The following SLIT3 variants were observed in gnomAD, a reference collection of about 807,000 sequenced individuals.
SLIT3 encodes the protein slit guidance ligand 3, also known as slit homolog 3 protein.
A neutral mutation model predicts 184.0 loss-of-function variants in SLIT3; 68 were observed. The ratio of observed to expected loss-of-function variants is 0.37; its 90% CI spans 0.30 to 0.45. The LOEUF (loss-of-function observed/expected upper bound fraction) is 0.45, where lower values mean the gene tolerates loss of function less well. Ranked by LOEUF, SLIT3 falls within the 20% of genes least tolerant of loss-of-function variation. The pLI is 1.00. For missense variants in SLIT3, 1,707 were observed against 2,026.0 expected (o/e 0.84, Z 3.02); for synonymous variants, 831 against 828.6 (o/e 1.00, Z -0.05).
intron 3 of SLIT3, among the ~76,000 whole-genome samples, chr5:169,236,001 G>A (rs150197554): frequency 1.3e-5 from 2 of 152,270 alleles, no homozygotes; most frequent in African/African-American, 4.8e-5. Context: ...TCTCTGTGAA[G>A]TCCACATTTA....
At chr5:168,862,636 A>T (rs190809828) in intron 5 of SLIT3, among the ~76,000 whole-genome samples, 1 of 151,498 alleles carries the variant, frequency 6.6e-6, no homozygotes, top group South Asian at 2.1e-4. Context: ...AATCCTAGAG[A>T]TCACTCAATA....
At chr5:168,917,930 C>T (rs989862980) in intron 4 of SLIT3, among the ~76,000 whole-genome samples, 1 of 152,198 alleles carries the variant, frequency 6.6e-6, no homozygotes, top group Non-Finnish European at 1.5e-5. Context: ...AGTCTCTCTC[C>T]CTTCATCTCA....
chr5:169,288,271 T>C (rs1767225477), intron 1 of SLIT3, among the ~76,000 whole-genome samples: 1 of 152,202 alleles, frequency 6.6e-6, no homozygotes, highest in Admixed American at 6.5e-5. Context: ...ATGCAGAACT[T>C]GTGCTGTTTG....
At chr5:168,726,792 G>T (rs1259098524) in intron 20 of SLIT3, among the ~76,000 whole-genome samples, 1 of 140,732 alleles carries the variant, frequency 7.1e-6, no homozygotes, top group Non-Finnish European at 1.6e-5. Flanking sequence ...GGCCAACATG[G>T]TGAAACCCCC....
At chr5:168,954,412 G>A (rs1762754407) in intron 4 of SLIT3, among the ~76,000 whole-genome samples, 1 of 151,912 alleles carries the variant, frequency 6.6e-6, no homozygotes, top group Admixed American at 6.6e-5. Flanking sequence ...GTTTTAGGTG[G>A]GGCCTGGGGA....
intron 1 of SLIT3, among the ~76,000 whole-genome samples, chr5:169,277,775 A>G (rs1014423153): frequency 6.6e-6 from 1 of 152,248 alleles, no homozygotes; most frequent in Non-Finnish European, 1.5e-5. Context: ...TATATAATTA[A>G]GACTGGAATT....
intron 1 of SLIT3, among the ~76,000 whole-genome samples, chr5:169,264,197 T>G (rs1050242546): frequency 5.9e-5 from 9 of 151,922 alleles, no homozygotes; most frequent in African/African-American, 2.2e-4. Flanking sequence ...TTTTTGGTTT[T>G]GGGGGTTGTT....
intron 25 of SLIT3, among the ~76,000 whole-genome samples, chr5:168,710,351 CAGTAGT>C (rs1479100045): frequency 6.6e-6 from 1 of 152,084 alleles, no homozygotes; most frequent in Admixed American, 6.5e-5. Flanking sequence ...CATACAAACT[CAGTAGT>C]AGTTTGTTGT....
intron 4 of SLIT3, among the ~76,000 whole-genome samples, chr5:169,043,865 C>T (rs949739608): frequency 3.9e-5 from 6 of 152,198 alleles, no homozygotes; most frequent in African/African-American, 1.4e-4. Context: ...GTCATCCGAA[C>T]TGGGAGCTCA....
At chr5:169,257,184 T>C (rs1765987960) in intron 1 of SLIT3, among the ~76,000 whole-genome samples, 1 of 152,212 alleles carries the variant, frequency 6.6e-6, no homozygotes, top group African/African-American at 2.4e-5. Flanking sequence ...ACAAGTACTA[T>C]ATGCTGCCTT....
chr5:168,838,400 A>C (rs1758125603), intron 6 of SLIT3, among the ~76,000 whole-genome samples: 1 of 152,152 alleles, frequency 6.6e-6, no homozygotes, highest in Admixed American at 6.5e-5. Context: ...AAAGATGCTC[A>C]AAAATAGAAG....
At chr5:168,798,323 A>C (rs1756648691) in intron 9 of SLIT3, among the ~76,000 whole-genome samples, 1 of 150,906 alleles carries the variant, frequency 6.6e-6, no homozygotes, top group Admixed American at 6.6e-5. Context: ...GCCTGGGCTC[A>C]AGTGATCCTC....
intron 4 of SLIT3, among the ~76,000 whole-genome samples, chr5:168,933,794 T>C (rs1234662956): frequency 2.0e-5 from 3 of 152,198 alleles, no homozygotes; most frequent in African/African-American, 7.2e-5. Flanking sequence ...GTTTGGATTT[T>C]TATTGAATAA....
At chr5:168,699,412 C>T (rs866046257) in intron 27 of SLIT3, among the ~76,000 whole-genome samples, 42 of 152,316 alleles carry the variant, frequency 2.8e-4, no homozygotes, top group Middle Eastern at 3.4e-3. Context: ...AAGGGGCTGC[C>T]GCCTCCTGAC....
At chr5:168,706,861 A>G (rs1479702619) in intron 26 of SLIT3, 1 of 152,262 alleles carries the variant, frequency 6.6e-6, no homozygotes, top group Non-Finnish European at 1.5e-5. Flanking sequence ...CGCACACACA[A>G]TCCCACTGGG....
intron 4 of SLIT3, among the ~76,000 whole-genome samples, chr5:169,070,181 T>C (rs1758492572): frequency 6.6e-6 from 1 of 152,164 alleles, no homozygotes; most frequent in Non-Finnish European, 1.5e-5. Flanking sequence ...CTCAGGGGAC[T>C]TCAACAGGTG....
At chr5:169,068,954 T>C (rs1377999703) in intron 4 of SLIT3, among the ~76,000 whole-genome samples, 2 of 152,206 alleles carry the variant, frequency 1.3e-5, no homozygotes, top group African/African-American at 4.8e-5. Flanking sequence ...ATTGGGTGTT[T>C]CTTTTAGGTC....
At chr5:169,091,272 C>A (rs1759573939) in intron 4 of SLIT3, among the ~76,000 whole-genome samples, 1 of 152,182 alleles carries the variant, frequency 6.6e-6, no homozygotes, top group African/African-American at 2.4e-5. Context: ...CCCTATAAGC[C>A]AGCCCTTACC....
chr5:169,076,004 A>C (rs141615025), intron 4 of SLIT3, among the ~76,000 whole-genome samples: 142 of 152,314 alleles, frequency 9.3e-4, no homozygotes, highest in Admixed American at 1.6e-3. Flanking sequence ...GAGAATCTGC[A>C]ATGTGGTGAG....
Sources: allele counts gnomAD v4.1 joint callset (sites outside exome capture counted in the v4.1 genomes callset), GRCh38; gene constraint gnomAD v4.1.1; transcripts MANE v1.5; gene names NCBI Gene and HGNC (gene_info 2026-07-23, HGNC 2026-07-21).